LRP1B: variants seen among roughly 807,000 people sequenced by gnomAD.
LRP1B encodes the protein low-density lipoprotein receptor-related protein 1B.
A neutral mutation model predicts 556.6 loss-of-function variants in LRP1B; 217 were observed. The ratio of observed to expected loss-of-function variants is 0.39; its 90% CI spans 0.35 to 0.44. The LOEUF (loss-of-function observed/expected upper bound fraction) is 0.44, where lower values mean the gene tolerates loss of function less well. Ranked by LOEUF, LRP1B falls within the 20% of genes least tolerant of loss-of-function variation. The pLI, the probability that LRP1B is intolerant of heterozygous loss-of-function variation, is 1.00. For missense variants in LRP1B, 5,053 were observed against 5,620.8 expected (o/e 0.90, Z 3.23); for synonymous variants, 2,047 against 1,865.8 (o/e 1.10, Z -2.50).
chr2:140,826,851 T>C (rs1370634760), intron 31 of LRP1B, among the ~76,000 whole-genome samples: 2 of 152,092 alleles, frequency 1.3e-5, no homozygotes, highest in African/African-American at 4.8e-5. Context: ...CCTCAGCCTG[T>C]GAAACACTGT....
intron 1 of LRP1B, among the ~76,000 whole-genome samples, chr2:141,910,287 G>A (rs1233842418): frequency 6.6e-6 from 1 of 151,944 alleles, no homozygotes; most frequent in Non-Finnish European, 1.5e-5. Flanking sequence ...TGGTGTAAAG[G>A]GAAGGAAGGC....
chr2:141,429,121 G>C (rs1680476195), intron 3 of LRP1B, among the ~76,000 whole-genome samples: 1 of 152,060 alleles, frequency 6.6e-6, no homozygotes, highest in Non-Finnish European at 1.5e-5. Context: ...CAAGTAAGTT[G>C]GGTATAATGA....
At position 141,015,861 on chromosome 2, in the gene LRP1B, C is replaced by A. The variant is rs866937366; in HGVS notation, c.2025G>T (p.Arg675Ser). Residue 675 changes from arginine to serine, a missense_variant, in exon 13 of 91, where the codon AGG (arginine) becomes AGT (serine). Arg to Ser is a moderately radical substitution (Grantham distance 110). This residue lies in a region of LRP1B where 3,619 missense variants were observed against 3,931.9 expected (regional missense o/e 0.92). Transcript: ENST00000389484. The stretch of plus-strand genomic sequence containing the variant: ...ATCCATCCATCCAGGCCTTCTCAAT[C>A]CTTCCCACGCTGTCATCTATTTCAT... ...EEDEIDDSVG[R>S]IEKAWMDGFN... The A allele has an allele frequency of 8.1e-6, 13 of 1,613,636 alleles. No individual in the cohort carries two copies. The highest frequency in any genetic ancestry group is 1.1e-5 in the Non-Finnish European group (13 of 1,179,764).
At chr2:141,605,350 C>T in intron 2 of LRP1B, among the ~76,000 whole-genome samples, 1 of 151,856 alleles carries the variant, frequency 6.6e-6, no homozygotes, top group Admixed American at 6.6e-5. Flanking sequence ...AAAAAAAATG[C>T]TGACACCTAA....
chr2:141,328,870 G>C (rs1176878994), intron 3 of LRP1B, among the ~76,000 whole-genome samples: 1 of 152,114 alleles, frequency 6.6e-6, no homozygotes, highest in Non-Finnish European at 1.5e-5. Context: ...TTGTGAGTGT[G>C]TTTCTAGACA....
intron 35 of LRP1B, among the ~76,000 whole-genome samples, chr2:140,735,296 C>A (rs564561345): frequency 6.6e-6 from 1 of 152,140 alleles, no homozygotes; most frequent in African/African-American, 2.4e-5. Flanking sequence ...ATAAAGACAG[C>A]AGAGTGGGAT....
At chr2:140,484,015 T>A (rs1688364717) in intron 59 of LRP1B, among the ~76,000 whole-genome samples, 1 of 152,138 alleles carries the variant, frequency 6.6e-6, no homozygotes, top group African/African-American at 2.4e-5. Flanking sequence ...AATGAATAGA[T>A]GATAGCCAAA....
intron 2 of LRP1B, among the ~76,000 whole-genome samples, chr2:141,559,118 T>C (rs1184755172): frequency 6.6e-6 from 1 of 151,726 alleles, no homozygotes; most frequent in East Asian, 1.9e-4. Flanking sequence ...TAAATATTAA[T>C]ACTTGAAGTT....
intron 1 of LRP1B, among the ~76,000 whole-genome samples, chr2:141,933,376 G>A (rs1447657395): frequency 2.6e-5 from 4 of 152,064 alleles, no homozygotes; most frequent in African/African-American, 9.7e-5. Flanking sequence ...AGGACTAAAA[G>A]GAGCACTATT....
intron 2 of LRP1B, among the ~76,000 whole-genome samples, chr2:141,591,371 T>G (rs1255115232): frequency 1.0e-4 from 15 of 148,888 alleles, no homozygotes; most frequent in South Asian, 2.1e-4. Context: ...TTGTTTTTTT[T>G]TTTTTCCCAG....
intron 1 of LRP1B, among the ~76,000 whole-genome samples, chr2:141,898,334 G>A (rs887422443): frequency 1.1e-4 from 17 of 152,156 alleles, no homozygotes; most frequent in African/African-American, 3.6e-4. Context: ...TCCCATGTGT[G>A]GTTAAAACAG....
intron 7 of LRP1B, among the ~76,000 whole-genome samples, chr2:141,146,954 C>T (rs921986185): frequency 6.6e-6 from 1 of 152,138 alleles, no homozygotes; most frequent in Non-Finnish European, 1.5e-5. Context: ...TGTTCTTTGC[C>T]CCAGGAAGCT....
Position 141,049,073 on chromosome 2 carries a change from T to A in LRP1B, c.1702A>T (p.Asn568Tyr). The A allele has an allele frequency of 6.2e-7, 1 of 1,613,676 alleles. No homozygotes were observed. Among genetic ancestry groups the A allele is most frequent in the Non-Finnish European group, 8.5e-7 (1 of 1,179,734 alleles). The change falls in exon 11 of 91, where the codon AAT becomes TAT. Residue 568 changes from asparagine to tyrosine, a missense_variant. Asn to Tyr is a moderately radical substitution (Grantham distance 143). Transcript: ENST00000389484. ...PRALDFHAET[N>Y]YIYFADTTSF... ...GTGGTGTCAGCAAAGTAGATGTAAT[T>A]GGTTTCTGCGTGAAAGTCTAAAGCA...
At chr2:140,589,167 A>G (rs888177457) in intron 43 of LRP1B, among the ~76,000 whole-genome samples, 2 of 152,210 alleles carry the variant, frequency 1.3e-5, no homozygotes, top group Non-Finnish European at 2.9e-5. Flanking sequence ...CATCAAAAGC[A>G]TGAACCATGA....
chr2:140,387,599 T>C (rs1254918652), intron 66 of LRP1B, among the ~76,000 whole-genome samples: 3 of 152,036 alleles, frequency 2.0e-5, no homozygotes, highest in Admixed American at 6.6e-5. Context: ...AAGTATTGCC[T>C]GAATTTCCCT....
At chr2:140,341,589 G>T (rs1681393599) in intron 77 of LRP1B, among the ~76,000 whole-genome samples, 1 of 151,342 alleles carries the variant, frequency 6.6e-6, no homozygotes, top group Non-Finnish European at 1.5e-5. Flanking sequence ...AATTAAGGAA[G>T]ACAGAAAAAA....
intron 45 of LRP1B, among the ~76,000 whole-genome samples, chr2:140,538,737 C>T (rs1680023794): frequency 6.6e-6 from 1 of 151,936 alleles, no homozygotes; most frequent in Non-Finnish European, 1.5e-5. Flanking sequence ...CAAAATTCAG[C>T]CACTTCTTGA....
At chr2:141,228,244 TG>T (rs1683320265) in intron 6 of LRP1B, among the ~76,000 whole-genome samples, 1 of 152,188 alleles carries the variant, frequency 6.6e-6, no homozygotes, top group Admixed American at 6.6e-5. Flanking sequence ...TAGCCGAATT[TG>T]TAAGAAACAC....
intron 3 of LRP1B, among the ~76,000 whole-genome samples, chr2:141,388,695 G>C (rs547130811): frequency 6.4e-4 from 97 of 152,076 alleles, no homozygotes; most frequent in African/African-American, 1.8e-3. Context: ...AAGCCCTCAA[G>C]TTTGGAAAAG....
Sources: gnomAD v4.1 joint callset for allele counts (sites outside exome capture counted in the v4.1 genomes callset) on GRCh38, gnomAD v4.1.1 for gene constraint, gnomAD v4.1.1 regional missense constraint, MANE v1.5 for transcripts, NCBI Gene and HGNC (gene_info 2026-07-23, HGNC 2026-07-21) for gene names.